Variants in BACE2 observed in about 807,000 individuals in gnomAD.
BACE2 encodes the protein beta-secretase 2.
BACE2 carries 17 observed loss-of-function variants against 46.2 expected under a neutral mutation model. That is an observed-to-expected ratio of 0.37 (90% CI 0.25 to 0.55). The LOEUF (loss-of-function observed/expected upper bound fraction) is 0.55, where lower values mean the gene tolerates loss of function less well. Among genes scored for constraint, BACE2 ranks in the 20% least tolerant of loss-of-function variants. BACE2 has a pLI of 0.82. For synonymous variants in BACE2, 277 were observed against 295.9 expected (o/e 0.94, Z 0.66); for missense variants, 595 against 698.1 (o/e 0.85, Z 1.66).
Position 41,185,178 on chromosome 21 carries a change from C to T in BACE2, c.312+16603C>T, listed in dbSNP as rs545083504. The T allele has an allele frequency of 3.6e-5, 6 of 166,892 alleles. No homozygotes were observed. In the East Asian group the frequency reaches 5.8e-4, roughly 16 times the overall value. The allele number at this position is 166,892 out of a possible 1,614,324, so 10.3% of individuals were successfully genotyped here. On this transcript the variant is annotated intron_variant, in intron 1 of 8. Transcript: ENST00000330333. ...TAGTTACTCTTCCCTCTTAAATTCC[C>T]GTGTTCTTTAAAGGTGTAAATATAG... is the stretch of plus-strand genomic sequence containing the variant.
chr21:41,180,105 G>T (rs1985058961), intron 1 of BACE2: 2 of 214,882 alleles, frequency 9.3e-6, no homozygotes, highest in East Asian at 1.3e-4. Flanking sequence ...AGTGGTATTT[G>T]TATCCACTTT....
At chr21:41,192,697 G>T (rs1985615392) in intron 1 of BACE2, among the ~76,000 whole-genome samples, 1 of 152,204 alleles carries the variant, frequency 6.6e-6, no homozygotes, top group Admixed American at 6.5e-5. Context: ...GGGTCGTATG[G>T]CCCAAGTGGC....
chr21:41,273,597 C>T (rs2123654157), intron 8 of BACE2, among the ~76,000 whole-genome samples: 1 of 152,320 alleles, frequency 6.6e-6, no homozygotes, highest in African/African-American at 2.4e-5. Context: ...TTGCTGTTAG[C>T]CTGTTCTTTT....
At chr21:41,247,892 C>T (rs1057333880) in intron 6 of BACE2, among the ~76,000 whole-genome samples, 4 of 152,190 alleles carry the variant, frequency 2.6e-5, no homozygotes, top group Non-Finnish European at 4.4e-5. Flanking sequence ...TGGACCAAAG[C>T]TGTGTTTGTT....
At chr21:41,243,302 C>T in intron 4 of BACE2, 74 bp from the exon 5 acceptor site, 17 of 1,264,244 alleles carry the variant, frequency 1.3e-5, no homozygotes, top group Non-Finnish European at 1.8e-5. Context: ...TTTACAAGTG[C>T]ATGCTTCTCT....
intron 1 of BACE2, among the ~76,000 whole-genome samples, chr21:41,224,620 G>T (rs967749715): frequency 6.6e-6 from 1 of 152,194 alleles, no homozygotes; most frequent in Non-Finnish European, 1.5e-5. Flanking sequence ...CTGGACTTGG[G>T]ATAGATGCTG....
intron 1 of BACE2, among the ~76,000 whole-genome samples, chr21:41,215,407 G>A (rs1302005480): frequency 6.6e-6 from 1 of 152,104 alleles, no homozygotes; most frequent in African/African-American, 2.4e-5. Context: ...ACTCTGCAGG[G>A]GCCAGGACAC....
chr21:41,272,118 C>T (rs947798905), intron 8 of BACE2, among the ~76,000 whole-genome samples: 30 of 152,134 alleles, frequency 2.0e-4, no homozygotes, highest in African/African-American at 7.2e-4. Context: ...CTTCTACCCC[C>T]AGTACTTTAA....
intron 8 of BACE2, among the ~76,000 whole-genome samples, chr21:41,271,390 A>C (rs1222307461): frequency 1.3e-5 from 2 of 152,202 alleles, no homozygotes; most frequent in Non-Finnish European, 2.9e-5. Context: ...TGAAAAAATC[A>C]GAAAGAAGCT....
chr21:41,204,300 C>A (rs989424612), intron 1 of BACE2, among the ~76,000 whole-genome samples: 6 of 152,170 alleles, frequency 3.9e-5, no homozygotes, highest in African/African-American at 1.4e-4. Flanking sequence ...CTCGGCCCCC[C>A]AAAATGCAGG....
rs115801909 is a variant in BACE2, at chr21:41,260,749, G to A, written c.1303+3423G>A. Among the ~76,000 whole-genome samples the A allele has an allele frequency of 7.3e-3, 1,115 of 152,260 alleles. 12 individuals are homozygous for A. Among genetic ancestry groups the A allele is most frequent in the African/African-American group, 0.026 (1,066 of 41,540 alleles). ...CATGTTCTCACTGCTGCCCCACTCC[G>A]TTGGTCGCACAGAATGACCCTGATA... On this transcript the variant is annotated intron_variant, in intron 8 of 8. Coordinates refer to ENST00000330333, the MANE Select transcript of BACE2 (RefSeq NM_012105.5).
intron 1 of BACE2, among the ~76,000 whole-genome samples, chr21:41,224,500 C>A (rs1402149563): frequency 3.3e-5 from 5 of 152,172 alleles, no homozygotes; most frequent in Admixed American, 3.3e-4. Flanking sequence ...ATTTTGATTT[C>A]TTTAGTCTAT....
intron 6 of BACE2, among the ~76,000 whole-genome samples, chr21:41,250,243 G>C (rs1461281818): frequency 6.6e-6 from 1 of 152,174 alleles, no homozygotes; most frequent in Non-Finnish European, 1.5e-5. Context: ...TGGAGGAGGA[G>C]AAAAATGTCC....
intron 4 of BACE2, among the ~76,000 whole-genome samples, 160 bp downstream of exon 4, chr21:41,242,107 A>G (rs1186508398): frequency 6.6e-6 from 1 of 152,068 alleles, no homozygotes; most frequent in Admixed American, 6.5e-5. Flanking sequence ...AGAAATGGCT[A>G]AAATTAGGCA....
At position 41,188,566 on chromosome 21, in the gene BACE2, C is replaced by A. The variant is rs77435709; in HGVS notation, c.312+19991C>A. Among the ~76,000 whole-genome samples the A allele has an allele frequency of 2.6e-3, 400 of 152,274 alleles. 2 individuals carry two copies. The highest frequency in any genetic ancestry group is 8.8e-3 in the African/African-American group (367 of 41,560). ...TGGTGGATTCCTACCCATCACCCCCCCAGACCCAGGGCTTACATACCATAG... is the reference window on the plus strand; with the variant it reads ...TGGTGGATTCCTACCCATCACCCCCACAGACCCAGGGCTTACATACCATAG... On this transcript the variant is annotated intron_variant, in intron 1 of 8. Coordinates refer to ENST00000330333, the MANE Select transcript of BACE2 (RefSeq NM_012105.5).
intron 1 of BACE2, among the ~76,000 whole-genome samples, chr21:41,202,306 C>T (rs892576099): frequency 6.6e-6 from 1 of 152,218 alleles, no homozygotes; most frequent in Non-Finnish European, 1.5e-5. Context: ...AGCAGGAAAT[C>T]ATATCACACG....
At chr21:41,188,213 G>C (rs1421061440) in intron 1 of BACE2, among the ~76,000 whole-genome samples, 1 of 152,156 alleles carries the variant, frequency 6.6e-6, no homozygotes, top group Non-Finnish European at 1.5e-5. Context: ...TCTGTGCCCA[G>C]CAGAACCCAC....
chr21:41,250,074 T>A (rs143138239), intron 6 of BACE2, among the ~76,000 whole-genome samples: 46 of 152,310 alleles, frequency 3.0e-4, no homozygotes, highest in Admixed American at 1.6e-3. Context: ...AAGACTTGGA[T>A]TCTAGTGCAG....
At chr21:41,263,828 G>GTATT (rs1312419718) in intron 8 of BACE2, among the ~76,000 whole-genome samples, 1 of 152,162 alleles carries the variant, frequency 6.6e-6, no homozygotes, top group South Asian at 2.1e-4. Context: ...TAGGTATAGG[G>GTATT]TATTTTCCCA....
Sources: gnomAD v4.1 joint callset for allele counts (sites outside exome capture counted in the v4.1 genomes callset) on GRCh38, gnomAD v4.1.1 for gene constraint, MANE v1.5 for transcripts, NCBI Gene and HGNC (gene_info 2026-07-23, HGNC 2026-07-21) for gene names.